Variants in ZMYM6 observed in about 807,000 individuals in gnomAD.
ZMYM6 encodes zinc finger MYM-type containing 6.
A neutral mutation model predicts 134.0 loss-of-function variants in ZMYM6; 90 were observed. The observed-to-expected ratio is 0.67, with a 90% confidence interval of 0.57 to 0.80. The LOEUF (loss-of-function observed/expected upper bound fraction) is 0.80, where lower values mean the gene tolerates loss of function less well. ZMYM6 is among the 30% of genes least tolerant of loss of function. ZMYM6 has a pLI of 0.00. For missense variants in ZMYM6, 1,362 were observed against 1,533.9 expected, an observed-to-expected ratio of 0.89 and a Z score of 1.87; for synonymous variants, 481 against 524.1, an observed-to-expected ratio of 0.92 and a Z score of 1.12.
At chr1:35,020,215 A>G (rs557410706) in intron 3 of ZMYM6, among the ~76,000 whole-genome samples, 168 bp downstream of exon 3, 1 of 152,348 alleles carries the variant, frequency 6.6e-6, no homozygotes, top group South Asian at 2.1e-4. Flanking sequence ...ATTCTGATAT[A>G]ATCTTACTCT....
intron 14 of ZMYM6, among the ~76,000 whole-genome samples, chr1:34,992,657 A>G (rs1640699143): frequency 6.8e-6 from 1 of 147,016 alleles, no homozygotes; most frequent in Non-Finnish European, 1.5e-5. Flanking sequence ...ATATATTTAT[A>G]AACTATAAAT....
chr1:34,993,797 C>T (rs1640727370), intron 14 of ZMYM6, among the ~76,000 whole-genome samples: 1 of 152,014 alleles, frequency 6.6e-6, no homozygotes, highest in Non-Finnish European at 1.5e-5. Flanking sequence ...CATTCTCCTG[C>T]CTCAGCCTCC....
intron 14 of ZMYM6, among the ~76,000 whole-genome samples, chr1:34,996,233 T>C (rs1001324246): frequency 2.0e-5 from 3 of 152,184 alleles, no homozygotes; most frequent in African/African-American, 4.8e-5. Flanking sequence ...TCCTAGTCAA[T>C]AGAGTATTAC....
At chr1:34,992,134 T>C in intron 15 of ZMYM6, 100 bp downstream of exon 15, 1 of 1,480,014 alleles carries the variant, frequency 6.8e-7, no homozygotes. Flanking sequence ...TGTTTTCACA[T>C]TTAAGACTCT....
intron 2 of ZMYM6, among the ~76,000 whole-genome samples, chr1:35,028,627 G>A (rs892613995): frequency 1.4e-4 from 21 of 151,498 alleles, no homozygotes; most frequent in Non-Finnish European, 3.1e-4. Context: ...AGCCTCCCAA[G>A]TAGCTGGGAC....
chr1:35,007,204 T>G, intron 11 of ZMYM6, 106 bp from the exon 12 acceptor site: 1 of 1,119,090 alleles, frequency 8.9e-7, no homozygotes, highest in Non-Finnish European at 1.2e-6. Flanking sequence ...ATGAGTCAGT[T>G]GAGACTACAA....
At chr1:35,031,036 G>A (rs992928627) in intron 1 of ZMYM6, among the ~76,000 whole-genome samples, 1 of 152,124 alleles carries the variant, frequency 6.6e-6, no homozygotes, top group Non-Finnish European at 1.5e-5. Flanking sequence ...TGAGAAGAAC[G>A]GACTCAAGAA....
intron 2 of ZMYM6, among the ~76,000 whole-genome samples, chr1:35,029,058 G>A (rs1406344999): frequency 3.3e-5 from 5 of 152,014 alleles, no homozygotes; most frequent in African/African-American, 4.8e-5. Flanking sequence ...CAGGCGTGGT[G>A]GCAGGCGCCT....
intron 14 of ZMYM6, among the ~76,000 whole-genome samples, chr1:34,993,023 C>T (rs1640712467): frequency 6.7e-6 from 1 of 149,952 alleles, no homozygotes; most frequent in Admixed American, 6.6e-5. Context: ...AAATATATTC[C>T]ACATCAATTA....
chr1:35,011,116 T>A, intron 8 of ZMYM6, 80 bp from the exon 9 acceptor site: 1 of 1,416,116 alleles, frequency 7.1e-7, no homozygotes, highest in Non-Finnish European at 9.4e-7. Context: ...CTCATTTTAA[T>A]AAATCAAGTC....
chr1:35,027,930 C>T (rs1641443390), intron 2 of ZMYM6, among the ~76,000 whole-genome samples: 1 of 152,168 alleles, frequency 6.6e-6, no homozygotes. Context: ...CTAACAGACA[C>T]TACCTCAGAA....
intron 14 of ZMYM6, among the ~76,000 whole-genome samples, chr1:34,996,626 GTC>G (rs1640790507): frequency 1.3e-5 from 2 of 152,104 alleles, no homozygotes; most frequent in African/African-American, 4.8e-5. Context: ...ACAATTTTGT[GTC>G]TTTTTTCACT....
At chr1:34,997,539 A>G (rs189108632) in intron 14 of ZMYM6, among the ~76,000 whole-genome samples, 1 of 152,220 alleles carries the variant, frequency 6.6e-6, no homozygotes, top group East Asian at 1.9e-4. Context: ...TCCTGCCCTT[A>G]AGAGATTTGC....
intron 1 of ZMYM6, chr1:35,031,490 G>A (rs771054023): frequency 3.3e-5 from 5 of 152,252 alleles, no homozygotes; most frequent in Non-Finnish European, 5.9e-5. Flanking sequence ...TGGTTGAAAA[G>A]CCTGTTCCAA....
intron 8 of ZMYM6, among the ~76,000 whole-genome samples, chr1:35,011,383 T>G (rs1384479561): frequency 6.6e-6 from 1 of 152,160 alleles, no homozygotes; most frequent in African/African-American, 2.4e-5. Flanking sequence ...CAGCAGTCTC[T>G]TTCTCCCTAA....
At position 34,986,904 on chromosome 1, in the gene ZMYM6, A is replaced by G. The variant is rs1180349814; in HGVS notation, c.*200T>C. ...CTAGTCCAAATTTAATGAAATAACTAAATTTTCTACCCTAGATTATAATTA... is the reference window on the plus strand; with the variant it reads ...CTAGTCCAAATTTAATGAAATAACTGAATTTTCTACCCTAGATTATAATTA... On this transcript the variant is annotated 3_prime_UTR_variant, in exon 16 of 16. Coordinates refer to ENST00000357182, the MANE Select transcript of ZMYM6 (RefSeq NM_007167.4). 6 of 344,576 alleles carry G rather than the reference A, an allele frequency of 1.7e-5. No individual in the cohort carries two copies. Among genetic ancestry groups the G allele is most frequent in the Non-Finnish European group, 3.0e-5 (6 of 200,356 alleles). The allele number at this position is 344,576 out of a possible 1,614,324, so 21.3% of individuals were successfully genotyped here.
chr1:34,995,009 AT>A (rs1557560671), intron 14 of ZMYM6, among the ~76,000 whole-genome samples: 2 of 114,442 alleles, frequency 1.7e-5, no homozygotes, highest in Non-Finnish European at 3.0e-5. Context: ...ATGTATACAT[AT>A]ATACTTACAT....
At chr1:35,015,743 A>AAAAAAAAAAT in intron 4 of ZMYM6, among the ~76,000 whole-genome samples, 9 of 106,468 alleles carry the variant, frequency 8.5e-5, no homozygotes, top group African/African-American at 5.9e-4. Context: ...AAAAAAAAAA[A>AAAAAAAAAAT]ATATATATAT....
At chr1:34,989,255 T>C (rs1640625085) in intron 15 of ZMYM6, 1 of 1,052,330 alleles carries the variant, frequency 9.5e-7, no homozygotes, top group Non-Finnish European at 1.1e-6. Flanking sequence ...ATAAACTTTT[T>C]GGCTGAGCAG....
Sources: allele counts gnomAD v4.1 joint callset (sites outside exome capture counted in the v4.1 genomes callset), GRCh38; gene constraint gnomAD v4.1.1; transcripts MANE v1.5; gene names NCBI Gene and HGNC (gene_info 2026-07-23, HGNC 2026-07-21).